The following WWC2 variants were observed in gnomAD, a reference collection of about 807,000 sequenced individuals.
The protein encoded by WWC2 is protein WWC2.
In WWC2, 101 loss-of-function variants were observed where a neutral mutation model predicts 138.5. The observed-to-expected ratio is 0.73, with a 90% confidence interval of 0.62 to 0.86. The LOEUF (loss-of-function observed/expected upper bound fraction) is 0.86. Among genes scored for constraint, WWC2 ranks in the 40% least tolerant of loss-of-function variants. The probability of loss-of-function intolerance (pLI) is 0.00; values close to 1 mark genes in which losing one functional copy is unlikely to be tolerated. For missense variants in WWC2, 1,420 were observed against 1,419.4 expected (o/e 1.00, Z -0.01); for synonymous variants, 558 against 538.4 (o/e 1.04, Z -0.50).
At chr4:183,143,507 T>C (rs1733363351) in intron 1 of WWC2, among the ~76,000 whole-genome samples, 1 of 152,194 alleles carries the variant, frequency 6.6e-6, no homozygotes, top group East Asian at 1.9e-4. Flanking sequence ...GTGTTTTTAA[T>C]AATATACAAA....
intron 20 of WWC2, among the ~76,000 whole-genome samples, chr4:183,287,246 G>C (rs1171270210): frequency 2.6e-5 from 4 of 152,226 alleles, no homozygotes; most frequent in Non-Finnish European, 5.9e-5. Flanking sequence ...TCTAAAGGCA[G>C]ATGAGATGTG....
intron 1 of WWC2, among the ~76,000 whole-genome samples, chr4:183,113,350 A>G (rs897328888): frequency 6.6e-6 from 1 of 151,846 alleles, no homozygotes; most frequent in African/African-American, 2.4e-5. Context: ...TTTCAATGCA[A>G]AAACCACAAT....
At chr4:183,238,334 C>T (rs1175390657) in intron 4 of WWC2, among the ~76,000 whole-genome samples, 1 of 152,168 alleles carries the variant, frequency 6.6e-6, no homozygotes, top group Non-Finnish European at 1.5e-5. Flanking sequence ...CCTCCTCTGG[C>T]TCTTGCCCAC....
At chr4:183,237,994 C>A (rs1190079969) in intron 4 of WWC2, among the ~76,000 whole-genome samples, 1 of 152,120 alleles carries the variant, frequency 6.6e-6, no homozygotes, top group Non-Finnish European at 1.5e-5. Flanking sequence ...AATACACACC[C>A]ACTTTAGGTA....
intron 2 of WWC2, among the ~76,000 whole-genome samples, chr4:183,207,712 T>C (rs1000548733): frequency 2.6e-5 from 4 of 152,168 alleles, no homozygotes; most frequent in Non-Finnish European, 5.9e-5. Context: ...AATGATCTGA[T>C]TGACAACATT....
intron 1 of WWC2, among the ~76,000 whole-genome samples, chr4:183,191,426 T>C (rs948253914): frequency 2.0e-5 from 3 of 152,226 alleles, no homozygotes; most frequent in Non-Finnish European, 2.9e-5. Flanking sequence ...TCGGGTGTTA[T>C]ACTGTTTAGT....
chr4:183,189,697 G>A (rs528074227), intron 1 of WWC2, among the ~76,000 whole-genome samples: 1 of 152,300 alleles, frequency 6.6e-6, no homozygotes, highest in East Asian at 1.9e-4. Flanking sequence ...ATGCTACAAA[G>A]TAAAAATAAC....
At chr4:183,152,260 G>A (rs1579990930) in intron 1 of WWC2, among the ~76,000 whole-genome samples, 1 of 152,236 alleles carries the variant, frequency 6.6e-6, no homozygotes, top group South Asian at 2.1e-4. Flanking sequence ...AGCACTTTGG[G>A]AGGCTGAGGA....
At chr4:183,311,997 C>T (rs567979398) in intron 21 of WWC2, among the ~76,000 whole-genome samples, 1 of 152,136 alleles carries the variant, frequency 6.6e-6, no homozygotes, top group African/African-American at 2.4e-5. Flanking sequence ...CCAAAACATT[C>T]TTTAACTGTA....
In WWC2 at chr4:183,285,958, T is replaced by A; in HGVS notation, c.3049-9T>A. The A allele has an allele frequency of 6.3e-7, 1 of 1,575,448 alleles. No individual in the cohort carries two copies. The highest frequency in any genetic ancestry group is 8.6e-7 in the Non-Finnish European group (1 of 1,158,522). ...GCAGTGATTTTTTTTTTAAATCTTT[T>A]GTTGCCAGTTAAATCGGAGTGACAG... On this transcript the variant is annotated splice_polypyrimidine_tract_variant and intron_variant, in intron 19 of 22. Transcript: ENST00000403733.
rs781428021 is a variant in WWC2, at chr4:183,265,670, T to G, written c.2040-18T>G. ...TAACCCCATTAATTAACTGTTCATCTACTCCCTGTCCATATAGACCTAGTG... is the reference window on the plus strand; with the variant it reads ...TAACCCCATTAATTAACTGTTCATCGACTCCCTGTCCATATAGACCTAGTG... On this transcript the variant is annotated intron_variant, in intron 12 of 22. Transcript: ENST00000403733. 6.2e-7 allele frequency: 1 copy of G among 1,601,656 alleles called. No homozygotes were observed. The highest frequency in any genetic ancestry group is 8.5e-7 in the Non-Finnish European group (1 of 1,173,220).
intron 1 of WWC2, among the ~76,000 whole-genome samples, chr4:183,109,372 T>A (rs561001502): frequency 6.6e-6 from 1 of 152,192 alleles, no homozygotes; most frequent in Non-Finnish European, 1.5e-5. Flanking sequence ...AAATGGCACA[T>A]TTATTAGTGA....
At chr4:183,167,254 A>G (rs184248689) in intron 1 of WWC2, among the ~76,000 whole-genome samples, 2 of 152,322 alleles carry the variant, frequency 1.3e-5, no homozygotes, top group East Asian at 3.9e-4. Flanking sequence ...AATTCATCCC[A>G]TTAGACATTT....
At chr4:183,170,178 G>C (rs978382320) in intron 1 of WWC2, among the ~76,000 whole-genome samples, 1 of 152,134 alleles carries the variant, frequency 6.6e-6, no homozygotes, top group Non-Finnish European at 1.5e-5. Context: ...TTATTGTGCC[G>C]TTGGCCAGAG....
rs118017641 is a variant in WWC2, at chr4:183,121,450, G to A, written c.131+21828G>A. On this transcript the variant is annotated intron_variant, in intron 1 of 22. Transcript: ENST00000403733. The stretch of plus-strand genomic sequence containing the variant: ...AATGCTCCAATGAGCAATTTCCTTT[G>A]AGTGTTATGTCGGCATTCAGAAGTT... Among the ~76,000 whole-genome samples the A allele has an allele frequency of 6.1e-3, 923 of 151,952 alleles. 23 individuals carry two copies. Among genetic ancestry groups the A allele is most frequent in the East Asian group, 0.057 (292 of 5,160 alleles).
intron 1 of WWC2, among the ~76,000 whole-genome samples, chr4:183,113,247 C>T (rs532008529): frequency 2.0e-5 from 3 of 152,054 alleles, no homozygotes; most frequent in South Asian, 2.1e-4. Flanking sequence ...AAATACAGAA[C>T]GTTTCCATCA....
At chr4:183,208,611 TGAG>T (rs1735508945) in intron 3 of WWC2, among the ~76,000 whole-genome samples, 1 of 152,232 alleles carries the variant, frequency 6.6e-6, no homozygotes, top group African/African-American at 2.4e-5. Flanking sequence ...GCAGCTGTGA[TGAG>T]CTCAGAAGTT....
At chr4:183,189,222 G>A (rs1320241051) in intron 1 of WWC2, among the ~76,000 whole-genome samples, 1 of 151,596 alleles carries the variant, frequency 6.6e-6, no homozygotes, top group Admixed American at 6.6e-5. Context: ...ATTGCCTGAG[G>A]TCAGGAGTTT....
Position 183,317,946 on chromosome 4 carries a change from C to T in WWC2, c.*2217C>T, listed in dbSNP as rs1451541358. ...ATTTTAATATAATCCTTTTTCTACA[C>T]TTTAAAAGTCAGCAATAGTGTTATG... On this transcript the variant is annotated 3_prime_UTR_variant, in exon 23 of 23. Coordinates refer to ENST00000403733, the MANE Select transcript of WWC2 (RefSeq NM_024949.6). The T allele has an allele frequency of 2.6e-5, 4 of 152,104 alleles. No homozygotes were observed. Among genetic ancestry groups the T allele is most frequent in the Non-Finnish European group, 5.9e-5 (4 of 68,008 alleles). The allele number at this position is 152,104 out of a possible 1,614,324, so 9.4% of individuals were successfully genotyped here. A position where few individuals can be genotyped will look rare whatever the true frequency, so the allele number is the denominator to read the frequency against.
Sources: allele counts gnomAD v4.1 joint callset (sites outside exome capture counted in the v4.1 genomes callset), GRCh38; gene constraint gnomAD v4.1.1; transcripts MANE v1.5; gene names NCBI Gene and HGNC (gene_info 2026-07-23, HGNC 2026-07-21).